The following USP32 variants were observed in gnomAD, a reference collection of about 807,000 sequenced individuals.
USP32 encodes the protein ubiquitin specific peptidase 32.
Under a neutral mutation model 204.8 loss-of-function variants are expected in USP32, and 59 were observed. The observed-to-expected ratio is 0.29, with a 90% CI of 0.23 to 0.36. USP32 has a LOEUF of 0.36. Ranked by LOEUF, USP32 falls within the 10% of genes least tolerant of loss-of-function variation. The pLI is 1.00. For missense variants in USP32, 1,160 were observed against 1,946.4 expected (o/e 0.60, Z 7.60); for synonymous variants, 517 against 678.4 (o/e 0.76, Z 3.70).
chr17:60,211,293 G>C, intron 20 of USP32, 83 bp downstream of exon 20: 1 of 1,539,466 alleles, frequency 6.5e-7, no homozygotes, highest in South Asian at 1.3e-5. Flanking sequence ...TTCTCCCACA[G>C]GGTGAAAAAA....
intron 26 of USP32, among the ~76,000 whole-genome samples, chr17:60,201,790 C>T (rs1031846225): frequency 2.6e-5 from 4 of 152,000 alleles, no homozygotes; most frequent in Non-Finnish European, 5.9e-5. Flanking sequence ...TCCCGAGTAG[C>T]TGGGACTACA....
intron 2 of USP32, among the ~76,000 whole-genome samples, chr17:60,342,699 G>A (rs2088688824): frequency 6.6e-6 from 1 of 152,252 alleles, no homozygotes; most frequent in Non-Finnish European, 1.5e-5. Flanking sequence ...CGCTAACAGT[G>A]AGCAAGGCTC....
chr17:60,406,548 C>T (rs1364951519), intron 1 of USP32, among the ~76,000 whole-genome samples: 2 of 151,682 alleles, frequency 1.3e-5, no homozygotes, highest in African/African-American at 4.8e-5. Context: ...CAGAGACTTG[C>T]TCTGTCACCC....
In USP32 at chr17:60,196,808, G is replaced by C. The variant is rs187973890; in HGVS notation, c.3434+1452C>G. Reference sequence around the variant, plus strand: ...CCACTGCACTCCAGCCTGGGTGACAGAGCGAGACTCTGTGTCAAAAAAATA... The same window carrying C: ...CCACTGCACTCCAGCCTGGGTGACACAGCGAGACTCTGTGTCAAAAAAATA... On this transcript the variant is annotated intron_variant, in intron 27 of 33. Transcript: ENST00000300896. Among the ~76,000 whole-genome samples the C allele has an allele frequency of 1.5e-3, 226 of 151,686 alleles. 1 individual carries two copies. The highest frequency in any genetic ancestry group is 4.5e-3 in the African/African-American group (188 of 41,350).
rs571187431 is a variant in USP32, at chr17:60,372,989, G to T, written c.58+18893C>A. Reference sequence around the variant, plus strand: ...AGAATAGCCTGGCTAACATAGCGAGGTCTCTACAAAACATAAAAAACAAAA... The same window carrying T: ...AGAATAGCCTGGCTAACATAGCGAGTTCTCTACAAAACATAAAAAACAAAA... On this transcript the variant is annotated intron_variant, in intron 1 of 33. Transcript: ENST00000300896. Among the ~76,000 whole-genome samples, 5 of 151,952 alleles carry T rather than the reference G, an allele frequency of 3.3e-5. No homozygotes were observed. The East Asian group carries it at 9.7e-4, about 29-fold the overall frequency.
chr17:60,391,597 C>A (rs2089834820), intron 1 of USP32, among the ~76,000 whole-genome samples: 1 of 152,146 alleles, frequency 6.6e-6, no homozygotes, highest in Non-Finnish European at 1.5e-5. Flanking sequence ...AGAGGACTTC[C>A]CTGGACACAT....
At chr17:60,370,468 A>T (rs1490622310) in intron 1 of USP32, among the ~76,000 whole-genome samples, 1 of 152,144 alleles carries the variant, frequency 6.6e-6, no homozygotes, top group African/African-American at 2.4e-5. Flanking sequence ...CACTTTCAAA[A>T]AATTATTTGA....
chr17:60,379,241 T>C (rs2089605959), intron 1 of USP32, among the ~76,000 whole-genome samples: 2 of 152,276 alleles, frequency 1.3e-5, no homozygotes, highest in South Asian at 4.1e-4. Context: ...GCAATGCAAA[T>C]GTCAAAGTAG....
At chr17:60,301,104 T>C (rs2087561884) in intron 3 of USP32, among the ~76,000 whole-genome samples, 1 of 152,246 alleles carries the variant, frequency 6.6e-6, no homozygotes, top group South Asian at 2.1e-4. Context: ...TGGTGGACAT[T>C]AGGGTTGTTT....
At position 60,381,432 on chromosome 17, in the gene USP32, C is replaced by T. The variant is rs374143180; in HGVS notation, c.58+10450G>A. 9.5e-3 allele frequency among the ~76,000 whole-genome samples: 1,409 copies of T among 148,098 alleles called. 32 individuals carry two copies. Among genetic ancestry groups the T allele is most frequent in the African/African-American group, 0.035 (1,353 of 38,632 alleles). On this transcript the variant is annotated intron_variant, in intron 1 of 33. Transcript: ENST00000300896. ...CTCCAGCTAGGGTGACAGAGGGAGA[C>T]CCTGTCTCAAAAAAAAAAAAAAAAG...
At chr17:60,360,369 A>C (rs749049002) in intron 1 of USP32, among the ~76,000 whole-genome samples, 4 of 151,914 alleles carry the variant, frequency 2.6e-5, no homozygotes, top group Admixed American at 6.6e-5. Flanking sequence ...TTGTATTTGT[A>C]TTTTGTATTA....
At chr17:60,408,502 C>T (rs1388614661) in intron 1 of USP32, among the ~76,000 whole-genome samples, 1 of 152,056 alleles carries the variant, frequency 6.6e-6, no homozygotes, top group Non-Finnish European at 1.5e-5. Flanking sequence ...CTCCGCCTCC[C>T]AAGTAGCTGG....
At chr17:60,245,417 T>C (rs903015165) in intron 11 of USP32, 8 of 385,930 alleles carry the variant, frequency 2.1e-5, no homozygotes, top group African/African-American at 4.4e-5. Flanking sequence ...TTGTTGCACG[T>C]CAGCAGCACT....
chr17:60,248,921 AC>A (rs1567801501), intron 11 of USP32: 1 of 152,122 alleles, frequency 6.6e-6, no homozygotes, highest in East Asian at 1.9e-4. Flanking sequence ...CACATTTGAT[AC>A]TTTATATTAG....
intron 1 of USP32, among the ~76,000 whole-genome samples, chr17:60,411,521 A>G (rs1298056567): frequency 6.7e-6 from 1 of 149,736 alleles, no homozygotes; most frequent in Non-Finnish European, 1.5e-5. Context: ...ACTATTTTTT[A>G]AATTTAATTT....
chr17:60,419,278 C>G (rs1308027282), intron 1 of USP32, among the ~76,000 whole-genome samples: 1 of 152,134 alleles, frequency 6.6e-6, no homozygotes, highest in South Asian at 2.1e-4. Context: ...AAACCAAATA[C>G]CGCATGTTCT....
chr17:60,203,649 T>A (rs2145470253), intron 26 of USP32, among the ~76,000 whole-genome samples: 1 of 152,164 alleles, frequency 6.6e-6, no homozygotes, highest in Non-Finnish European at 1.5e-5. Context: ...CGATCTCGGC[T>A]CACTGCAACC....
chr17:60,200,122 A>G (rs1364647501), intron 26 of USP32, among the ~76,000 whole-genome samples: 1 of 152,052 alleles, frequency 6.6e-6, no homozygotes, highest in Non-Finnish European at 1.5e-5. Flanking sequence ...TGAACGCAGG[A>G]GGCATAGAGT....
intron 1 of USP32, among the ~76,000 whole-genome samples, chr17:60,388,374 A>G (rs1272067587): frequency 6.6e-6 from 1 of 152,076 alleles, no homozygotes; most frequent in Non-Finnish European, 1.5e-5. Context: ...ACAGAGAAGC[A>G]GATAAGACAG....
Sources: gnomAD v4.1 joint callset for allele counts (sites outside exome capture counted in the v4.1 genomes callset) on GRCh38, gnomAD v4.1.1 for gene constraint, MANE v1.5 for transcripts, NCBI Gene and HGNC (gene_info 2026-07-23, HGNC 2026-07-21) for gene names.